The following CREBBP variants were observed in gnomAD, a reference collection of about 807,000 sequenced individuals.
CREBBP encodes CREB binding lysine acetyltransferase.
CREBBP carries 19 observed loss-of-function variants against 265.0 expected under a neutral mutation model. That is an observed-to-expected ratio of 0.07 (90% CI 0.05 to 0.11). The LOEUF (loss-of-function observed/expected upper bound fraction) is 0.11, where lower values mean the gene tolerates loss of function less well. CREBBP is among the 10% of genes least tolerant of loss of function. CREBBP has a pLI of 1.00. For missense variants in CREBBP, 2,525 were observed against 3,219.0 expected (o/e 0.78, Z 5.22); for synonymous variants, 1,457 against 1,223.7 (o/e 1.19, Z -3.98).
chr16:3,873,671 C>T (rs749191385), intron 1 of CREBBP, among the ~76,000 whole-genome samples: 2 of 152,134 alleles, frequency 1.3e-5, no homozygotes, highest in Non-Finnish European at 2.9e-5. Flanking sequence ...GTTATTATCT[C>T]CATGTTACAG....
At chr16:3,767,456 G>C in intron 16 of CREBBP, 1 of 572,374 alleles carries the variant, frequency 1.7e-6, no homozygotes, top group South Asian at 2.1e-5. Context: ...GCCCCTGCCA[G>C]CACCATCAGA....
At chr16:3,804,359 T>C (rs570958839) in intron 3 of CREBBP, among the ~76,000 whole-genome samples, 5 of 152,262 alleles carry the variant, frequency 3.3e-5, no homozygotes, top group African/African-American at 1.2e-4. Context: ...AAAAGGAACA[T>C]AAACAAAAAT....
rs2151306047 is a variant in CREBBP, at chr16:3,728,931, A to G, written c.6116T>C (p.Val2039Ala). ...QQPMPGLPRP[V>A]ISMQAQAAVA... ...GGCCGCCTGGGCCTGCATGGATATC[A>G]CAGGCCTGGGCAAGCCTGGCATGGG... The change falls in exon 31 of 31, where the codon GTG becomes GCG. Residue 2039 changes from valine to alanine, a missense_variant. This residue lies in a region of CREBBP where 275 missense variants were observed against 276.5 expected (regional missense o/e 0.99). Transcript: ENST00000262367. The surrounding 1 kb of genome is among the most constrained non-coding windows in gnomAD (Gnocchi z 8.7). The G allele has an allele frequency of 1.2e-6, 2 of 1,603,690 alleles. No individual in the cohort carries two copies. The highest frequency in any genetic ancestry group is 1.7e-6 in the Non-Finnish European group (2 of 1,178,682).
At chr16:3,819,051 A>T (rs2054093637) in intron 2 of CREBBP, among the ~76,000 whole-genome samples, 1 of 152,270 alleles carries the variant, frequency 6.6e-6, no homozygotes, top group Non-Finnish European at 1.5e-5. Flanking sequence ...GCCGGGACAG[A>T]GACAGGATCT....
intron 16 of CREBBP, chr16:3,761,472 G>A: frequency 6.0e-6 from 3 of 503,008 alleles, no homozygotes; most frequent in Non-Finnish European, 1.2e-5. Context: ...AAAGTTGGAA[G>A]GAAAAACCCA....
chr16:3,874,450 C>T (rs917691813), intron 1 of CREBBP, among the ~76,000 whole-genome samples: 14 of 152,196 alleles, frequency 9.2e-5, no homozygotes, highest in African/African-American at 3.4e-4. Flanking sequence ...AGCCCATGGG[C>T]GAAGTCCTCA....
intron 30 of CREBBP, 22 bp from the exon 31 acceptor site, chr16:3,729,896 A>G (rs748190904): frequency 3.8e-6 from 6 of 1,599,364 alleles, no homozygotes; most frequent in Non-Finnish European, 5.1e-6. Context: ...GAAAGGGGAC[A>G]GGCCGGTGTC....
chr16:3,777,248 T>C (rs2053163915), intron 11 of CREBBP, among the ~76,000 whole-genome samples: 2 of 151,410 alleles, frequency 1.3e-5, no homozygotes, highest in Non-Finnish European at 1.5e-5. Context: ...GGCAGGAGAA[T>C]GGTGTGAACC....
chr16:3,777,929 CTGT>C, intron 10 of CREBBP, 79 bp downstream of exon 10: 1 of 1,497,940 alleles, frequency 6.7e-7, no homozygotes, highest in Non-Finnish European at 9.3e-7. Flanking sequence ...TTCTAATTCT[CTGT>C]TCTTAGAAAT....
At chr16:3,842,207 G>T (rs1045537606) in intron 2 of CREBBP, among the ~76,000 whole-genome samples, 11 of 152,162 alleles carry the variant, frequency 7.2e-5, no homozygotes, top group African/African-American at 2.7e-4. Context: ...GTACTTAAAA[G>T]ATTTCTAAGG....
At position 3,731,515 on chromosome 16, in the gene CREBBP, G is replaced by T. The variant is rs2151317918; in HGVS notation, c.4891-42C>A. The T allele has an allele frequency of 1.3e-6, 2 of 1,556,282 alleles. No individual in the cohort carries two copies. The highest frequency in any genetic ancestry group is 1.2e-5 in the South Asian group (1 of 85,870). The stretch of plus-strand genomic sequence containing the variant: ...GCTTTAGTCCCACACAAGGGACATG[G>T]CACCTCCAGTGGTGAGCTCAGGGCA... On this transcript the variant is annotated intron_variant, in intron 29 of 30. Coordinates refer to ENST00000262367, the MANE Select transcript of CREBBP (RefSeq NM_004380.3). The surrounding 1 kb of genome is among the most constrained non-coding windows in gnomAD (Gnocchi z 7.7).
intron 26 of CREBBP, among the ~76,000 whole-genome samples, chr16:3,737,440 T>C (rs962025418): frequency 6.6e-6 from 1 of 151,244 alleles, no homozygotes; most frequent in South Asian, 2.1e-4. Flanking sequence ...AGGAGGAACA[T>C]TTTTTTTCTT....
Position 3,814,275 on chromosome 16 carries a change from G to T in CREBBP, c.799-3496C>A, listed in dbSNP as rs2053996637. On this transcript the variant is annotated intron_variant, in intron 2 of 30. Coordinates refer to ENST00000262367, the MANE Select transcript of CREBBP (RefSeq NM_004380.3). ...TGTGTGTGTGTGTGTGTGTGTTTGA[G>T]ACAGAGTCTCGTTCTGTTGCCTAGG... is the stretch of plus-strand genomic sequence containing the variant. 4.1e-5 allele frequency among the ~76,000 whole-genome samples: 6 copies of T among 145,960 alleles called. No homozygotes were observed. In the South Asian group the frequency reaches 1.3e-3, roughly 32 times the overall value.
chr16:3,848,333 T>C (rs1177756655), intron 2 of CREBBP, among the ~76,000 whole-genome samples: 2 of 152,208 alleles, frequency 1.3e-5, no homozygotes, highest in African/African-American at 2.4e-5. Flanking sequence ...TCAAAAGCTC[T>C]TGAAGTGCAG....
chr16:3,848,441 G>C (rs964577777), intron 2 of CREBBP, among the ~76,000 whole-genome samples: 3 of 152,082 alleles, frequency 2.0e-5, no homozygotes, highest in Admixed American at 2.0e-4. Context: ...TCTCTCCCAA[G>C]AACACAGTAG....
At chr16:3,753,204 G>A (rs146289238) in intron 19 of CREBBP, among the ~76,000 whole-genome samples, 35 of 152,306 alleles carry the variant, frequency 2.3e-4, no homozygotes, top group East Asian at 5.8e-4. Context: ...GCACTCACAC[G>A]GCTACAGAAG....
In CREBBP at chr16:3,777,669, A is replaced by C. The variant is rs771199040; in HGVS notation, c.2114-12T>G. The C allele has an allele frequency of 1.2e-6, 2 of 1,612,662 alleles. No individual in the cohort carries two copies. Among genetic ancestry groups the C allele is most frequent in the Non-Finnish European group, 8.5e-7 (1 of 1,178,964 alleles). On this transcript the variant is annotated splice_polypyrimidine_tract_variant and intron_variant, in intron 10 of 30. Coordinates refer to ENST00000262367, the MANE Select transcript of CREBBP (RefSeq NM_004380.3). ...GGACAGGGGTCCATCTATGGTGGCA[A>C]AACAAAAACAAAAACAAAACCACCC...
chr16:3,792,637 T>C (rs1344152818), intron 4 of CREBBP, among the ~76,000 whole-genome samples: 1 of 152,216 alleles, frequency 6.6e-6, no homozygotes, highest in African/African-American at 2.4e-5. Flanking sequence ...GCTTCTCTGT[T>C]ACAACAGGGT....
At chr16:3,870,242 A>AC (rs1195507322) in intron 1 of CREBBP, among the ~76,000 whole-genome samples, 2 of 152,204 alleles carry the variant, frequency 1.3e-5, no homozygotes, top group African/African-American at 4.8e-5. Flanking sequence ...GAAAAGTCAC[A>AC]CAGTACAGCA....
Sources: allele counts gnomAD v4.1 joint callset (sites outside exome capture counted in the v4.1 genomes callset), GRCh38; gene constraint gnomAD v4.1.1; regional missense constraint gnomAD v4.1.1; non-coding constraint Gnocchi (gnomAD v3.1); transcripts MANE v1.5; gene names NCBI Gene and HGNC (gene_info 2026-07-23, HGNC 2026-07-21).